Variants in STARD13 observed in about 807,000 individuals in gnomAD.
The protein encoded by STARD13 is StAR related lipid transfer domain containing 13.
In STARD13, 62 loss-of-function variants were observed where a neutral mutation model predicts 106.4. The observed-to-expected ratio is 0.58, with a 90% CI of 0.48 to 0.72. STARD13 has a LOEUF of 0.72. Among genes scored for constraint, STARD13 ranks in the 30% least tolerant of loss-of-function variants. The pLI is 0.00. For missense variants in STARD13, 1,387 were observed against 1,424.0 expected (o/e 0.97, Z 0.42); for synonymous variants, 565 against 553.0 (o/e 1.02, Z -0.31).
Position 33,273,035 on chromosome 13 carries a change from A to T in STARD13, c.169+12435T>A, listed in dbSNP as rs553650911. On this transcript the variant is annotated intron_variant, in intron 1 of 13. Transcript: ENST00000336934. ...TCCTTATTATATCAAGTCAGTCTCC[A>T]CTTATTGATAGCGCCCTCTTGGACA... 3.9e-5 allele frequency: 6 copies of T among 152,350 alleles called. No homozygotes were observed. The East Asian group carries it at 1.2e-3, about 29-fold the overall frequency. The allele number at this position is 152,350 out of a possible 1,614,324, so 9.4% of individuals were successfully genotyped here. A position where few individuals can be genotyped will look rare whatever the true frequency, so the allele number is the denominator to read the frequency against.
intron 1 of STARD13, among the ~76,000 whole-genome samples, chr13:33,294,736 G>C (rs73179065): frequency 0.35 from 52,441 of 151,984 alleles, 9,543 homozygotes; most frequent in South Asian, 0.49. Context: ...GAATTTGTCT[G>C]CACTTAGAGG....
the STARD13 span, among the ~76,000 whole-genome samples, chr13:33,641,699 G>T: frequency 1.3e-5 from 2 of 152,074 alleles, no homozygotes; most frequent in East Asian, 1.9e-4. Flanking sequence ...CGTGCTGTAT[G>T]GCTGTTTTCT....
chr13:33,551,344 T>A, the STARD13 span, among the ~76,000 whole-genome samples: 9 of 152,302 alleles, frequency 5.9e-5, no homozygotes, highest in Admixed American at 2.6e-4. Context: ...TCATATGAGG[T>A]CAGGTGTGGA....
upstream of STARD13, among the ~76,000 whole-genome samples, chr13:33,353,705 T>C (rs1228200236): frequency 6.6e-6 from 1 of 152,212 alleles, no homozygotes; most frequent in Admixed American, 6.5e-5. Context: ...TACATTACTG[T>C]CCTAGCCCAA....
chr13:33,443,842 T>C, the STARD13 span, among the ~76,000 whole-genome samples: 5 of 148,604 alleles, frequency 3.4e-5, no homozygotes, highest in Admixed American at 6.7e-5. Context: ...TGAGCCGAGA[T>C]TGTGCCACTG....
the STARD13 span, among the ~76,000 whole-genome samples, chr13:33,620,816 A>T: frequency 1.3e-5 from 2 of 150,924 alleles, no homozygotes; most frequent in African/African-American, 4.8e-5. Flanking sequence ...AAATATAATA[A>T]AAAATTTAAT....
chr13:33,350,383 G>A lies in STARD13; in HGVS notation c.31C>T (p.Gln11Ter), dbSNP rs2078064134. ...TGCTCACTGATGGATCTCCTGAGCT[G>A]CGTTTGGCAAGGTTTCCGTTTGCTG... Residue 11 changes from glutamine to a stop codon, truncating the protein, a stop_gained, in exon 1 of 2, where the codon CAG (glutamine) becomes TAG (stop). Coordinates refer to the STARD13 transcript ENST00000439831. LOFTEE classifies it high-confidence loss of function. 6.5e-7 allele frequency: 1 copy of A among 1,533,704 alleles called. No homozygotes were observed. The highest frequency in any genetic ancestry group is 2.5e-5 in the East Asian group (1 of 40,754).
At chr13:33,166,094 G>A (rs1883284022) in intron 2 of STARD13, among the ~76,000 whole-genome samples, 1 of 152,114 alleles carries the variant, frequency 6.6e-6, no homozygotes, top group Non-Finnish European at 1.5e-5. Flanking sequence ...ACCATGCTGG[G>A]TCACTATCAT....
chr13:33,667,893 T>A, the STARD13 span, among the ~76,000 whole-genome samples: 3 of 152,220 alleles, frequency 2.0e-5, no homozygotes, highest in African/African-American at 7.2e-5. Context: ...CATGTGAAGG[T>A]GTAAACAGAC....
chr13:33,559,660 C>T, the STARD13 span, among the ~76,000 whole-genome samples: 2 of 151,434 alleles, frequency 1.3e-5, no homozygotes, highest in Non-Finnish European at 2.9e-5. Flanking sequence ...TCAAGACCAG[C>T]CTGGCCTGAA....
chr13:33,213,087 C>G (rs1471953093), intron 1 of STARD13, among the ~76,000 whole-genome samples: 1 of 152,128 alleles, frequency 6.6e-6, no homozygotes, highest in Non-Finnish European at 1.5e-5. Context: ...TCAGACAGTA[C>G]ATCTGTAACA....
At chr13:33,292,768 G>A (rs1387546653) in intron 1 of STARD13, among the ~76,000 whole-genome samples, 2 of 151,884 alleles carry the variant, frequency 1.3e-5, no homozygotes, top group African/African-American at 4.8e-5. Flanking sequence ...TAATTTCTGT[G>A]AGGGTCTTCG....
chr13:33,356,478 G>T, the STARD13 span, among the ~76,000 whole-genome samples: 1 of 152,118 alleles, frequency 6.6e-6, no homozygotes, highest in African/African-American at 2.4e-5. Flanking sequence ...AGTGGCTGAT[G>T]GCATAGACAG....
intron 1 of STARD13, among the ~76,000 whole-genome samples, chr13:33,216,911 C>G (rs1444571516): frequency 6.6e-6 from 1 of 152,152 alleles, no homozygotes; most frequent in Admixed American, 6.5e-5. Flanking sequence ...ACATTCGAAT[C>G]CCTGGCCCAT....
At chr13:33,564,774 A>G in the STARD13 span, among the ~76,000 whole-genome samples, 5 of 142,592 alleles carry the variant, frequency 3.5e-5, no homozygotes, top group Non-Finnish European at 6.0e-5. Context: ...TGGGCGGATC[A>G]TGAGGTCAGG....
intron 1 of STARD13, among the ~76,000 whole-genome samples, chr13:33,195,360 G>T (rs184957064): frequency 1.3e-5 from 2 of 152,130 alleles, no homozygotes; most frequent in African/African-American, 2.4e-5. Context: ...GTTTTGTAGC[G>T]GGAAAAATAC....
chr13:33,419,221 A>G, the STARD13 span, among the ~76,000 whole-genome samples: 1 of 152,184 alleles, frequency 6.6e-6, no homozygotes, highest in African/African-American at 2.4e-5. Flanking sequence ...AACCTTGAAA[A>G]CAGGTTAGAT....
the STARD13 span, among the ~76,000 whole-genome samples, chr13:33,475,113 C>T: frequency 0.014 from 2,183 of 152,176 alleles, 57 homozygotes; most frequent in African/African-American, 0.047. Context: ...ATCTGGGTCA[C>T]TTCCACTTAA....
At chr13:33,191,980 G>A (rs951019758) in intron 1 of STARD13, among the ~76,000 whole-genome samples, 5 of 152,206 alleles carry the variant, frequency 3.3e-5, no homozygotes, top group East Asian at 3.9e-4. Flanking sequence ...CAAATCAGCC[G>A]GGCAATCTGG....
Sources: allele counts gnomAD v4.1 joint callset (sites outside exome capture counted in the v4.1 genomes callset), GRCh38; gene constraint gnomAD v4.1.1; transcripts MANE v1.5; gene names NCBI Gene and HGNC (gene_info 2026-07-23, HGNC 2026-07-21).